Variants in LEKR1 observed in about 807,000 individuals in gnomAD.
LEKR1 encodes leucine, glutamate and lysine rich 1, also known as protein LEKR1.
Under a neutral mutation model 72.4 loss-of-function variants are expected in LEKR1, and 59 were observed. The observed-to-expected ratio is 0.82, with a 90% confidence interval of 0.66 to 1.01. The LOEUF (loss-of-function observed/expected upper bound fraction) is 1.01. Ranked by LOEUF, LEKR1 falls within the 50% of genes least tolerant of loss-of-function variation. The pLI, the probability that LEKR1 is intolerant of heterozygous loss-of-function variation, is 0.00. For missense variants in LEKR1, 728 were observed against 759.2 expected, an observed-to-expected ratio of 0.96 and a Z score of 0.48; for synonymous variants, 257 against 263.2, an observed-to-expected ratio of 0.98 and a Z score of 0.23.
chr3:156,970,525 T>C (rs1408388539), intron 6 of LEKR1, among the ~76,000 whole-genome samples: 2 of 152,150 alleles, frequency 1.3e-5, no homozygotes, highest in Admixed American at 1.3e-4. Flanking sequence ...AAGGAAGGGA[T>C]CTAGTTGGGA....
chr3:156,912,294 A>G (rs1723189540), intron 3 of LEKR1, among the ~76,000 whole-genome samples: 1 of 152,126 alleles, frequency 6.6e-6, no homozygotes, highest in South Asian at 2.1e-4. Context: ...CCCCTCTCCC[A>G]GCCTCCTCCT....
chr3:156,981,748 T>C (rs1730221693), intron 7 of LEKR1, among the ~76,000 whole-genome samples: 1 of 152,212 alleles, frequency 6.6e-6, no homozygotes, highest in African/African-American at 2.4e-5. Context: ...TAGAGTCAAA[T>C]GTGTGGCTTC....
In LEKR1 at chr3:157,011,446, C is replaced by T. The variant is rs949576025; in HGVS notation, c.1143C>T (p.Ile381=). ...TGCTGATTTCACATCAGAAAAGCAT[C>T]GAGCAGCTGCAAGAAACCCTTAGAC... ...ELMLISHQKS[I]EQLQETLRQK... The change falls in exon 10 of 13, where the codon ATC becomes ATT. Residue 381 remains isoleucine (I), a synonymous_variant. Transcript: ENST00000356539. The T allele has an allele frequency of 9.9e-6, 16 of 1,612,886 alleles. No homozygotes were observed. Among genetic ancestry groups the T allele is most frequent in the East Asian group, 2.2e-5 (1 of 44,850 alleles).
At chr3:157,016,550 A>G (rs1733353329) in intron 10 of LEKR1, among the ~76,000 whole-genome samples, 1 of 152,130 alleles carries the variant, frequency 6.6e-6, no homozygotes, top group African/African-American at 2.4e-5. Flanking sequence ...AAAATGTATT[A>G]CCAATAGACC....
intron 3 of LEKR1, among the ~76,000 whole-genome samples, chr3:156,872,744 A>G (rs1168732694): frequency 6.6e-6 from 1 of 151,856 alleles, no homozygotes; most frequent in Non-Finnish European, 1.5e-5. Context: ...ATGTATTTGT[A>G]TAGTTTCCAA....
chr3:157,009,259 A>G (rs1043775754), intron 9 of LEKR1, among the ~76,000 whole-genome samples: 7 of 152,166 alleles, frequency 4.6e-5, no homozygotes, highest in African/African-American at 1.4e-4. Flanking sequence ...CATTATTTAA[A>G]TATGTAATTG....
At chr3:156,862,534 C>T (rs1716888095) in intron 3 of LEKR1, among the ~76,000 whole-genome samples, 2 of 152,074 alleles carry the variant, frequency 1.3e-5, no homozygotes, top group Admixed American at 1.3e-4. Context: ...AGGGATGATA[C>T]ACACATTACT....
At chr3:156,995,353 C>G (rs1011136761) in intron 9 of LEKR1, among the ~76,000 whole-genome samples, 2 of 152,192 alleles carry the variant, frequency 1.3e-5, no homozygotes, top group African/African-American at 4.8e-5. Flanking sequence ...AGGACAGTTT[C>G]TATCAGCTTT....
At chr3:156,944,468 G>T (rs1726508124) in intron 6 of LEKR1, among the ~76,000 whole-genome samples, 1 of 151,358 alleles carries the variant, frequency 6.6e-6, no homozygotes, top group Non-Finnish European at 1.5e-5. Flanking sequence ...GTTGACTGTG[G>T]TTACCCTGTT....
At chr3:157,000,776 G>A (rs1011225879) in intron 9 of LEKR1, among the ~76,000 whole-genome samples, 6 of 152,166 alleles carry the variant, frequency 3.9e-5, no homozygotes, top group African/African-American at 1.4e-4. Flanking sequence ...CCATTTGGAT[G>A]CTGATATGGT....
At chr3:156,985,502 T>G (rs1730595152) in intron 7 of LEKR1, among the ~76,000 whole-genome samples, 1 of 152,188 alleles carries the variant, frequency 6.6e-6, no homozygotes, top group African/African-American at 2.4e-5. Flanking sequence ...GGAATCTGTA[T>G]GTTCCCTTAC....
intron 3 of LEKR1, among the ~76,000 whole-genome samples, chr3:156,883,531 C>T (rs1365294982): frequency 3.9e-5 from 6 of 152,154 alleles, no homozygotes; most frequent in Admixed American, 3.9e-4. Context: ...CAAATCTTAT[C>T]TTGAATTGTA....
intron 3 of LEKR1, among the ~76,000 whole-genome samples, chr3:156,886,371 G>A (rs1020511997): frequency 1.6e-4 from 25 of 151,970 alleles, no homozygotes; most frequent in Non-Finnish European, 3.1e-4. Context: ...TTCAAACCTT[G>A]CCCCTCCCCA....
At chr3:156,937,275 C>T (rs2108579229) in intron 5 of LEKR1, among the ~76,000 whole-genome samples, 1 of 152,250 alleles carries the variant, frequency 6.6e-6, no homozygotes, top group Non-Finnish European at 1.5e-5. Context: ...TTGCAAATCA[C>T]ATATCCAACA....
intron 6 of LEKR1, among the ~76,000 whole-genome samples, chr3:156,946,646 C>G (rs1048414832): frequency 6.6e-6 from 1 of 151,296 alleles, no homozygotes; most frequent in Admixed American, 6.6e-5. Context: ...GTTCTTATCA[C>G]GATGGCATGT....
At chr3:156,997,701 G>A (rs1731691284) in intron 9 of LEKR1, among the ~76,000 whole-genome samples, 1 of 152,196 alleles carries the variant, frequency 6.6e-6, no homozygotes, top group Non-Finnish European at 1.5e-5. Flanking sequence ...AGCCCTTACT[G>A]AGGTCACAAA....
chr3:157,033,796 A>G (rs1734784809), intron 12 of LEKR1, among the ~76,000 whole-genome samples: 1 of 152,224 alleles, frequency 6.6e-6, no homozygotes, highest in African/African-American at 2.4e-5. Context: ...GTAGTACAGA[A>G]GCTTTGAAGC....
At chr3:156,935,835 G>A (rs957680756) in intron 5 of LEKR1, among the ~76,000 whole-genome samples, 2 of 152,088 alleles carry the variant, frequency 1.3e-5, no homozygotes, top group Admixed American at 6.6e-5. Flanking sequence ...AATTAATTTT[G>A]TGTGTTCTGA....
At chr3:156,831,211 G>C (rs1372549735) in intron 2 of LEKR1, among the ~76,000 whole-genome samples, 3 of 152,120 alleles carry the variant, frequency 2.0e-5, no homozygotes, top group Non-Finnish European at 4.4e-5. Flanking sequence ...TGGGGCATCA[G>C]TCATTAGAAA....
Sources: allele counts gnomAD v4.1 joint callset (sites outside exome capture counted in the v4.1 genomes callset), GRCh38; gene constraint gnomAD v4.1.1; transcripts MANE v1.5; gene names NCBI Gene and HGNC (gene_info 2026-07-23, HGNC 2026-07-21).